Variants in ZMYND11 observed in about 807,000 individuals in gnomAD.
ZMYND11 encodes the protein zinc finger MYND domain-containing protein 11.
ZMYND11 carries 9 observed loss-of-function variants against 84.9 expected under a neutral mutation model. The observed-to-expected ratio is 0.11, with a 90% CI of 0.06 to 0.18. The LOEUF is 0.18. ZMYND11 is among the 10% of genes least tolerant of loss of function. ZMYND11 has a pLI of 1.00. For missense variants in ZMYND11, 409 were observed against 761.0 expected (o/e 0.54, Z 5.44); for synonymous variants, 250 against 244.1 (o/e 1.02, Z -0.23).
chr10:144,073 A>C (rs942603493), intron 1 of ZMYND11, among the ~76,000 whole-genome samples: 1 of 152,094 alleles, frequency 6.6e-6, no homozygotes, highest in African/African-American at 2.4e-5. Flanking sequence ...AGGACTATTC[A>C]AATAAAAATA....
chr10:148,670 C>G (rs1839507054), intron 1 of ZMYND11: 1 of 152,258 alleles, frequency 6.6e-6, no homozygotes, highest in African/African-American at 2.4e-5. Flanking sequence ...GGCCAAGATG[C>G]ATGGCAGGTG....
chr10:223,553 G>A (rs1947528388), intron 4 of ZMYND11, among the ~76,000 whole-genome samples: 1 of 151,932 alleles, frequency 6.6e-6, no homozygotes, highest in African/African-American at 2.4e-5. Flanking sequence ...TCATTTTATG[G>A]TATGTGAGCT....
intron 2 of ZMYND11, among the ~76,000 whole-genome samples, chr10:191,324 G>T (rs961564988): frequency 6.6e-6 from 1 of 152,046 alleles, no homozygotes; most frequent in Non-Finnish European, 1.5e-5. Context: ...GTTTCCTTCC[G>T]GCATTTTTTA....
At chr10:157,243 A>C (rs550142377) in intron 1 of ZMYND11, among the ~76,000 whole-genome samples, 1 of 152,196 alleles carries the variant, frequency 6.6e-6, no homozygotes, top group African/African-American at 2.4e-5. Flanking sequence ...TCTGTCGCCC[A>C]GGCTGGAATG....
intron 1 of ZMYND11, among the ~76,000 whole-genome samples, chr10:163,857 T>C (rs1334609053): frequency 2.6e-5 from 4 of 152,118 alleles, no homozygotes; most frequent in Non-Finnish European, 5.9e-5. Flanking sequence ...GAGTTGGATT[T>C]ACTGTTGGGA....
chr10:233,281 A>C (rs1008302828), intron 4 of ZMYND11, among the ~76,000 whole-genome samples: 2 of 152,180 alleles, frequency 1.3e-5, no homozygotes, highest in African/African-American at 4.8e-5. Context: ...AAGAACAGAC[A>C]AGGGCGTGCA....
rs557260233 is a variant in ZMYND11 at position 164,967 on chromosome 10, A to T, written c.-19-15027A>T. On this transcript the variant is annotated intron_variant, in intron 1 of 14. Coordinates refer to ENST00000381604, the MANE Select transcript of ZMYND11 (RefSeq NM_001370100.5). Reference sequence around the variant, plus strand: ...TTTTGAAAAATCATGTGTATGTAGCATTTTAATTAAAATGACAATAAAATT... The same window carrying T: ...TTTTGAAAAATCATGTGTATGTAGCTTTTTAATTAAAATGACAATAAAATT... 1.8e-4 allele frequency among the ~76,000 whole-genome samples: 27 copies of T among 152,272 alleles called. No homozygotes were observed. In the South Asian group the frequency reaches 5.6e-3, roughly 32 times the overall value.
In ZMYND11 at chr10:251,306, A is replaced by AC. The variant is rs549304331; in HGVS notation, c.1687-1038dup. ...GCCACATGACCAGTGGGTGGCACAG[A>AC]CCCCAGATGTGAATCCCGACACGCC... On this transcript the variant is annotated intron_variant, in intron 14 of 14. Transcript: ENST00000381604. Among the ~76,000 whole-genome samples, 458 of 152,204 alleles carry AC rather than the reference A, an allele frequency of 3.0e-3. No individual in the cohort carries two copies. The Middle Eastern group carries it at 0.031, about 10-fold the overall frequency.
At chr10:200,643 G>A (rs1942978166) in intron 2 of ZMYND11, among the ~76,000 whole-genome samples, 2 of 151,870 alleles carry the variant, frequency 1.3e-5, no homozygotes, top group South Asian at 2.1e-4. Flanking sequence ...AAATAGAATG[G>A]CTGTCAAGTG....
rs183981318 is a variant in ZMYND11 at position 239,488 on chromosome 10, C to T, written c.660C>T (p.Ala220=). 27 of 1,613,084 alleles carry T rather than the reference C, an allele frequency of 1.7e-5. No homozygotes were observed. In the East Asian group the frequency reaches 6.0e-4, roughly 36 times the overall value. Residue 220 remains alanine, a synonymous_variant, in exon 7 of 15, where the codon GCC becomes GCT. Transcript: ENST00000381604. ...YRSYEEFKAD[A]QLLLHNTVIF... ...GTTATGAAGAGTTCAAAGCTGATGC[C>T]CAATTGCTTCTCCACAATACCGTGA...
Position 249,689 on chromosome 10 carries a change from C to T in ZMYND11, c.1686+601C>T, listed in dbSNP as rs952282570. ...GCACAGGGTCCAAGTGCTCGTCCTA[C>T]AGCCGCCACAGTGCTCAGTGAATTA... On this transcript the variant is annotated intron_variant, in intron 14 of 14. Transcript: ENST00000381604. 4 of 985,288 alleles carry T rather than the reference C, an allele frequency of 4.1e-6. No homozygotes were observed. In the African/African-American group the frequency reaches 7.0e-5, roughly 17 times the overall value. 61.0% of individuals were successfully genotyped at this position (985,288 alleles called of 1,614,324 possible).
intron 2 of ZMYND11, among the ~76,000 whole-genome samples, chr10:201,611 A>G: frequency 4.1e-5 from 1 of 24,412 alleles, no homozygotes; most frequent in East Asian, 1.5e-3. Flanking sequence ...CACACATTAT[A>G]TATATATGTA....
intron 1 of ZMYND11, among the ~76,000 whole-genome samples, chr10:141,517 G>A (rs1837498416): frequency 6.6e-6 from 1 of 152,194 alleles, no homozygotes; most frequent in Non-Finnish European, 1.5e-5. Flanking sequence ...AGTCGTATTT[G>A]TGTTAAGATT....
chr10:136,604 G>C (rs950226402), intron 1 of ZMYND11, among the ~76,000 whole-genome samples: 7 of 152,102 alleles, frequency 4.6e-5, no homozygotes, highest in African/African-American at 7.2e-5. Context: ...CATATGAGCT[G>C]TGCGTGTGGT....
At chr10:165,820 C>T (rs1843879475) in intron 1 of ZMYND11, among the ~76,000 whole-genome samples, 2 of 152,246 alleles carry the variant, frequency 1.3e-5, no homozygotes, top group East Asian at 1.9e-4. Flanking sequence ...TCTCCTCTTC[C>T]TCATTTTAAA....
rs761293702 is a variant in ZMYND11 at position 239,509 on chromosome 10, C to T, written c.681C>T (p.Thr227=). The T allele has an allele frequency of 1.2e-5, 20 of 1,606,932 alleles. No individual in the cohort carries two copies. The highest frequency in any genetic ancestry group is 8.4e-5 in the Admixed American group (5 of 59,228). The part of the protein sequence containing the change: ...KADAQLLLHN[T]VIFYGADSEQ... ...ATGCCCAATTGCTTCTCCACAATAC[C>T]GTGATTTTCTATGGAGGTTGAATAT... is the stretch of plus-strand genomic sequence containing the variant. Residue 227 remains threonine (T), a synonymous_variant, in exon 7 of 15, where the codon ACC becomes ACT. Transcript: ENST00000381604.
intron 2 of ZMYND11, 60 bp downstream of exon 2, chr10:180,188 G>C: frequency 1.4e-6 from 2 of 1,394,138 alleles, no homozygotes; most frequent in Non-Finnish European, 2.0e-6. Context: ...TGGGGGAAAG[G>C]CCAAAAAAAA....
At position 248,947 on chromosome 10, in the gene ZMYND11, A is replaced by C. The variant is rs777109374; in HGVS notation, c.1545A>C (p.Lys515Asn). ...MEEEKRQAVN[K>N]AVANMQGEMD... ...AAGAAAAGAGACAAGCTGTAAATAA[A>C]GCTGTAGCCAACATGCAGGGTGAGA... Residue 515 changes from lysine (K) to asparagine (N), a missense_variant, in exon 14 of 15, where the codon AAA becomes AAC. Lys to Asn is a moderately conservative substitution (Grantham distance 94). Coordinates refer to ENST00000381604, the MANE Select transcript of ZMYND11 (RefSeq NM_001370100.5). The C allele has an allele frequency of 1.9e-6, 3 of 1,614,032 alleles. No homozygotes were observed. Among genetic ancestry groups the C allele is most frequent in the African/African-American group, 2.7e-5 (2 of 74,952 alleles).
intron 3 of ZMYND11, chr10:218,498 A>T: frequency 2.6e-6 from 1 of 390,416 alleles, no homozygotes; most frequent in South Asian, 2.0e-5. Flanking sequence ...GCCCCAAACA[A>T]GGTGAACTAA....
Sources: allele counts gnomAD v4.1 joint callset (sites outside exome capture counted in the v4.1 genomes callset), GRCh38; gene constraint gnomAD v4.1.1; transcripts MANE v1.5; gene names NCBI Gene and HGNC (gene_info 2026-07-23, HGNC 2026-07-21).